UTP3: variants seen among roughly 807,000 people sequenced by gnomAD.
The protein encoded by UTP3 is something about silencing protein 10.
In UTP3, 19 loss-of-function variants were observed where a neutral mutation model predicts 37.9. That is an observed-to-expected ratio of 0.50 (90% CI 0.35 to 0.74). UTP3 has a LOEUF of 0.74. Among genes scored for constraint, UTP3 ranks in the 30% least tolerant of loss-of-function variants. The probability of loss-of-function intolerance (pLI) is 0.01; values close to 1 mark genes in which losing one functional copy is unlikely to be tolerated. For missense variants in UTP3, 504 were observed against 570.7 expected (o/e 0.88, Z 1.19); for synonymous variants, 242 against 218.5 (o/e 1.11, Z -0.95).
At position 70,689,481 on chromosome 4, in the gene UTP3, G is replaced by A. The variant is rs764898934; in HGVS notation, c.804G>A (p.Lys268=). ...PGKGSQYLRT[K]YNLYLNYCSN... is the part of the protein sequence containing the mutation. ...AAGGAAGCCAATACTTGAGGACCAA[G>A]TACAACCTCTACTTGAATTATTGCT... is the stretch of plus-strand genomic sequence containing the variant. Residue 268 remains lysine, a synonymous_variant, in exon 1 of 1, where the codon AAG becomes AAA. Transcript: ENST00000254803. 10 of 1,614,218 alleles carry A rather than the reference G, an allele frequency of 6.2e-6. No homozygotes were observed. The East Asian group carries it at 2.2e-4, about 36-fold the overall frequency.
In UTP3 at chr4:70,689,596, T is replaced by G; in HGVS notation, c.919T>G (p.Leu307Val). Residue 307 changes from leucine (L) to valine (V), a missense_variant, in exon 1 of 1, where the codon TTG (leucine) becomes GTG (valine). By Grantham distance (32) the Leu-to-Val change is conservative. Coordinates refer to ENST00000254803, the MANE Select transcript of UTP3 (RefSeq NM_020368.3). Reference sequence around the variant, plus strand: ...AGAAAGGCTTGTTACCTACCGAAATTTGATCAACAAGCTGTCCGTTGTGGA... The same window carrying G: ...AGAAAGGCTTGTTACCTACCGAAATGTGATCAACAAGCTGTCCGTTGTGGA... Reference protein sequence around the residue: ...VIERLVTYRNLINKLSVVDQK... With the variant: ...VIERLVTYRNVINKLSVVDQK... 1 of 1,614,202 alleles carries G rather than the reference T, an allele frequency of 6.2e-7. No homozygotes were observed. Among genetic ancestry groups the G allele is most frequent in the Non-Finnish European group, 8.5e-7 (1 of 1,180,026 alleles).
In UTP3 at chr4:70,689,505, C is replaced by T. The variant is rs763993235; in HGVS notation, c.828C>T (p.Cys276=). ...AGTACAACCTCTACTTGAATTATTG[C>T]TCGAACATCAGTTTTTATTTGATCC... ...RTKYNLYLNY[C]SNISFYLILK... The change falls in exon 1 of 1, where the codon TGC becomes TGT. Residue 276 remains cysteine (C), a synonymous_variant. Coordinates refer to ENST00000254803, the MANE Select transcript of UTP3 (RefSeq NM_020368.3). 7.4e-6 allele frequency: 12 copies of T among 1,614,168 alleles called. No individual in the cohort carries two copies. In the South Asian group the frequency reaches 1.1e-4, roughly 15 times the overall value.
rs377141669 is a variant in UTP3, at chr4:70,690,126, C to T, written c.*9C>T. ...GCATTAAGCTTAAATGAAGTTTTTG[C>T]TTAGCATAAGGTTTTTGGCAGTTTT... On this transcript the variant is annotated 3_prime_UTR_variant, in exon 1 of 1. Coordinates refer to ENST00000254803, the MANE Select transcript of UTP3 (RefSeq NM_020368.3). The T allele has an allele frequency of 4.4e-6, 7 of 1,573,940 alleles. No homozygotes were observed. Among genetic ancestry groups the T allele is most frequent in the Non-Finnish European group, 6.0e-6 (7 of 1,164,672 alleles).
Position 70,688,606 on chromosome 4 carries a change from C to T in UTP3, c.-72C>T. 3.4e-6 allele frequency: 5 copies of T among 1,464,572 alleles called. No individual in the cohort carries two copies. Among genetic ancestry groups the T allele is most frequent in the South Asian group, 1.3e-5 (1 of 75,124 alleles). 90.7% of individuals were successfully genotyped at this position (1,464,572 alleles called of 1,614,324 possible). ...TGTTTAGAGCCACGAGTTACCGGAG[C>T]GCCTGATTCCTGCGCCGAAGTCAGT... is the stretch of plus-strand genomic sequence containing the variant. On this transcript the variant is annotated 5_prime_UTR_variant, in exon 1 of 1. Transcript: ENST00000254803.
At position 70,690,276 on chromosome 4, in the gene UTP3, G is replaced by A. The variant is rs892183651; in HGVS notation, c.*159G>A. 2.4e-5 allele frequency: 17 copies of A among 718,096 alleles called. No homozygotes were observed. Among genetic ancestry groups the A allele is most frequent in the Middle Eastern group, 4.6e-4 (1 of 2,188 alleles). The allele number at this position is 718,096 out of a possible 1,614,324, so 44.5% of individuals were successfully genotyped here. Reference sequence around the variant, plus strand: ...TGGACAATTTATAAGAACTATGGGAGCAATATGAAGGTGCTTGAGAAAAGA... The same window carrying A: ...TGGACAATTTATAAGAACTATGGGAACAATATGAAGGTGCTTGAGAAAAGA... On this transcript the variant is annotated 3_prime_UTR_variant, in exon 1 of 1. Transcript: ENST00000254803.
chr4:70,689,382 C>A lies in UTP3; in HGVS notation c.705C>A (p.Val235=). The stretch of plus-strand genomic sequence containing the variant: ...TGGAGCTGATAGAAGACCTGAAAGT[C>A]AAGTTGACAGAGGTTAAGGATGAGC... The part of the protein sequence containing the change: ...ELLELIEDLK[V]KLTEVKDELE... The change falls in exon 1 of 1, where the codon GTC becomes GTA. Residue 235 remains valine, a synonymous_variant. Coordinates refer to ENST00000254803, the MANE Select transcript of UTP3 (RefSeq NM_020368.3). 1 of 1,614,112 alleles carries A rather than the reference C, an allele frequency of 6.2e-7. No homozygotes were observed. Among genetic ancestry groups the A allele is most frequent in the Non-Finnish European group, 8.5e-7 (1 of 1,180,030 alleles).
chr4:70,688,566 A>G lies in UTP3; in HGVS notation c.-112A>G, dbSNP rs776808780. ...TCAGGAGTCTGCAAACTCCGGTGGT[A>G]GGGGAGCGCGCTGCTGTTTAGAGCC... On this transcript the variant is annotated 5_prime_UTR_variant, in exon 1 of 1. Transcript: ENST00000254803. 44 of 1,081,610 alleles carry G rather than the reference A, an allele frequency of 4.1e-5. No individual in the cohort carries two copies. Among genetic ancestry groups the G allele is most frequent in the Middle Eastern group, 3.1e-4 (1 of 3,214 alleles). 67.0% of individuals were successfully genotyped at this position (1,081,610 alleles called of 1,614,324 possible).
chr4:70,689,301 T>C lies in UTP3; in HGVS notation c.624T>C (p.Ala208=). The part of the protein sequence containing the change: ...EAETRVVKDL[A]KVSVKEKLKM... ...AGACACGGGTCGTGAAGGATTTGGC[T>C]AAAGTTTCAGTGAAAGAGAAGCTGA... The change falls in exon 1 of 1, where the codon GCT becomes GCC. Residue 208 remains alanine (A), a synonymous_variant. Coordinates refer to ENST00000254803, the MANE Select transcript of UTP3 (RefSeq NM_020368.3). 3.1e-6 allele frequency: 5 copies of C among 1,614,090 alleles called. No individual in the cohort carries two copies. The highest frequency in any genetic ancestry group is 2.2e-5 in the East Asian group (1 of 44,884).
At position 70,688,681 on chromosome 4, in the gene UTP3, G is replaced by A. The variant is rs565388678; in HGVS notation, c.4G>A (p.Val2Met). 6.2e-7 allele frequency: 1 copy of A among 1,612,506 alleles called. No individual in the cohort carries two copies. Among genetic ancestry groups the A allele is most frequent in the South Asian group, 1.1e-5 (1 of 90,880 alleles). Residue 2 changes from valine to methionine, a missense_variant, in exon 1 of 1, where the codon GTG (valine) becomes ATG (methionine). Coordinates refer to ENST00000254803, the MANE Select transcript of UTP3 (RefSeq NM_020368.3). The stretch of plus-strand genomic sequence containing the variant: ...GTAAAACCTGAGATTGTGAGCCATG[G>A]TGGGGAGATCCCGGCGGCGCGGAGC... M[V>M]GRSRRRGAAK...
In UTP3 at chr4:70,689,251, C is replaced by G. The variant is rs1373417831; in HGVS notation, c.574C>G (p.Pro192Ala). 6.2e-7 allele frequency: 1 copy of G among 1,614,140 alleles called. No individual in the cohort carries two copies. The highest frequency in any genetic ancestry group is 1.6e-4 in the Middle Eastern group (1 of 6,062). The change falls in exon 1 of 1, where the codon CCA (proline) becomes GCA (alanine). Residue 192 changes from proline to alanine, a missense_variant. Physicochemically the swap from Pro to Ala is conservative, Grantham distance 27. Transcript: ENST00000254803. ...CGCCTGGGTTGAGGCCTTTGCAAAACCAGTGCCTCAGGTAGATGAGGCTGA... is the reference window on the plus strand; with the variant it reads ...CGCCTGGGTTGAGGCCTTTGCAAAAGCAGTGCCTCAGGTAGATGAGGCTGA... ...GVAWVEAFAK[P>A]VPQVDEAETR...
chr4:70,689,676 AAAG>A lies in UTP3; in HGVS notation c.1002_1004del (p.Lys335del). On this transcript the variant is annotated inframe_deletion, in exon 1 of 1. Transcript: ENST00000254803. ...TGTTGACACTTAAGGATGATGCTGT[AAAG>A]AAAGAACTGATTCCAAAAGCAAAAT... 2 of 1,614,234 alleles carry A rather than the reference AAAG, an allele frequency of 1.2e-6. No individual in the cohort carries two copies. Among genetic ancestry groups the A allele is most frequent in the Non-Finnish European group, 1.7e-6 (2 of 1,180,040 alleles).
In UTP3 at chr4:70,688,653, G is replaced by T; in HGVS notation, c.-25G>T. ...CAGTGGTGGCCGAAAGTCCGGAGTC[G>T]CTGTAAAACCTGAGATTGTGAGCCA... is the stretch of plus-strand genomic sequence containing the variant. On this transcript the variant is annotated 5_prime_UTR_variant, in exon 1 of 1. Transcript: ENST00000254803. The T allele has an allele frequency of 1.3e-6, 2 of 1,594,226 alleles. No homozygotes were observed. The highest frequency in any genetic ancestry group is 2.7e-5 in the African/African-American group (2 of 74,620).
At position 70,688,615 on chromosome 4, in the gene UTP3, C is replaced by A. The variant is rs779114260; in HGVS notation, c.-63C>A. 4 of 1,509,298 alleles carry A rather than the reference C, an allele frequency of 2.7e-6. No individual in the cohort carries two copies. Among genetic ancestry groups the A allele is most frequent in the Non-Finnish European group, 2.7e-6 (3 of 1,123,262 alleles). The allele number at this position is 1,509,298 out of a possible 1,614,324, so 93.5% of individuals were successfully genotyped here. A position where few individuals can be genotyped will look rare whatever the true frequency, so the allele number is the denominator to read the frequency against. ...CCACGAGTTACCGGAGCGCCTGATTCCTGCGCCGAAGTCAGTGGTGGCCGA... is the reference window on the plus strand; with the variant it reads ...CCACGAGTTACCGGAGCGCCTGATTACTGCGCCGAAGTCAGTGGTGGCCGA... On this transcript the variant is annotated 5_prime_UTR_variant, in exon 1 of 1. Transcript: ENST00000254803.
chr4:70,688,813 G>C lies in UTP3; in HGVS notation c.136G>C (p.Asp46His), dbSNP rs776219328. The C allele has an allele frequency of 3.1e-6, 5 of 1,614,176 alleles. No homozygotes were observed. The South Asian group carries it at 3.3e-5, about 11-fold the overall frequency. Residue 46 changes from aspartate (D) to histidine (H), a missense_variant, in exon 1 of 1, where the codon GAT (aspartate) becomes CAT (histidine). Asp to His is a moderately conservative substitution (Grantham distance 81). Coordinates refer to ENST00000254803, the MANE Select transcript of UTP3 (RefSeq NM_020368.3). ...ACCAGGGGACACCAGCTACTACCAA[G>C]ATCAGGTAGATGACTTTCATGAGGC... ...PSPGDTSYYQ[D>H]QVDDFHEARS...
In UTP3 at chr4:70,688,544, G is replaced by A; in HGVS notation, c.-134G>A. On this transcript the variant is annotated 5_prime_UTR_variant, in exon 1 of 1. Transcript: ENST00000254803. ...AAGAGGAAATTCCAGTAGCCGATCA[G>A]GAGTCTGCAAACTCCGGTGGTAGGG... The A allele has an allele frequency of 1.2e-6, 1 of 859,398 alleles. No homozygotes were observed. Among genetic ancestry groups the A allele is most frequent in the Non-Finnish European group, 1.8e-6 (1 of 568,916 alleles). The allele number at this position is 859,398 out of a possible 1,614,324, so 53.2% of individuals were successfully genotyped here. A position where few individuals can be genotyped will look rare whatever the true frequency, so the allele number is the denominator to read the frequency against.
chr4:70,688,997 C>T lies in UTP3; in HGVS notation c.320C>T (p.Ala107Val). 1 of 1,589,564 alleles carries T rather than the reference C, an allele frequency of 6.3e-7. No homozygotes were observed. Among genetic ancestry groups the T allele is most frequent in the Non-Finnish European group, 8.6e-7 (1 of 1,166,988 alleles). Residue 107 changes from alanine to valine, a missense_variant, in exon 1 of 1, where the codon GCC (alanine) becomes GTC (valine). Coordinates refer to ENST00000254803, the MANE Select transcript of UTP3 (RefSeq NM_020368.3). ...GGGGAGGAGGAGGAGGAGGAGAATG[C>T]CGATGATGATGGTGGGAGCTCCGTG... ...NAGEEEEEEN[A>V]DDDGGSSVQS...
chr4:70,690,347 T>A lies in UTP3; in HGVS notation c.*230T>A. 1 of 346,076 alleles carries A rather than the reference T, an allele frequency of 2.9e-6. No homozygotes were observed. Among genetic ancestry groups the A allele is most frequent in the Non-Finnish European group, 5.2e-6 (1 of 193,878 alleles). The allele number at this position is 346,076 out of a possible 1,614,324, so 21.4% of individuals were successfully genotyped here. On this transcript the variant is annotated 3_prime_UTR_variant, in exon 1 of 1. Coordinates refer to ENST00000254803, the MANE Select transcript of UTP3 (RefSeq NM_020368.3). ...ATATTCTGTTGAAGTTTTCCAATAT[T>A]AAGTATTAGCTTAGGGAAATTTCAC... is the stretch of plus-strand genomic sequence containing the variant.
rs1739592415 is a variant in UTP3 at position 70,690,239 on chromosome 4, T to C, written c.*122T>C. 9.1e-7 allele frequency: 1 copy of C among 1,103,912 alleles called. No individual in the cohort carries two copies. Among genetic ancestry groups the C allele is most frequent in the Admixed American group, 3.6e-5 (1 of 27,684 alleles). The allele number at this position is 1,103,912 out of a possible 1,614,324, so 68.4% of individuals were successfully genotyped here. A position where few individuals can be genotyped will look rare whatever the true frequency, so the allele number is the denominator to read the frequency against. ...AAAAATTCTTGTCCACAAGGAAATT[T>C]GTCTGGGTTATTGGACAATTTATAA... On this transcript the variant is annotated 3_prime_UTR_variant, in exon 1 of 1. Transcript: ENST00000254803.
chr4:70,689,827 G>A lies in UTP3; in HGVS notation c.1150G>A (p.Asp384Asn), dbSNP rs765365583. The change falls in exon 1 of 1, where the codon GAC becomes AAC. Residue 384 changes from aspartate to asparagine, a missense_variant. Physicochemically the swap from Asp to Asn is conservative, Grantham distance 23. Transcript: ENST00000254803. ...ACTGAAGTACTATAAAGAAATAGAA[G>A]ACAGGCAAAAGCTAAAGAGAAAGAA... ...AKLKYYKEIEDRQKLKRKKEE... is the reference protein window; with the variant it reads ...AKLKYYKEIENRQKLKRKKEE... 1.9e-6 allele frequency: 3 copies of A among 1,613,488 alleles called. No homozygotes were observed. Among genetic ancestry groups the A allele is most frequent in the Admixed American group, 1.7e-5 (1 of 59,804 alleles).
Sources: gnomAD v4.1 joint callset for allele counts on GRCh38, gnomAD v4.1.1 for gene constraint, MANE v1.5 for transcripts, NCBI Gene and HGNC (gene_info 2026-07-23, HGNC 2026-07-21) for gene names.